Variants in SMARCA2 observed in about 807,000 individuals in gnomAD.
The protein encoded by SMARCA2 is SWI/SNF-related matrix-associated actin-dependent regulator of chromatin subfamily A member 2.
In SMARCA2, 61 loss-of-function variants were observed where a neutral mutation model predicts 199.8. The ratio of observed to expected loss-of-function variants is 0.31; its 90% CI spans 0.25 to 0.38. The LOEUF (loss-of-function observed/expected upper bound fraction) is 0.38, where lower values mean the gene tolerates loss of function less well. SMARCA2 is among the 10% of genes least tolerant of loss of function. SMARCA2 has a pLI of 1.00. For synonymous variants in SMARCA2, 935 were observed against 732.0 expected (o/e 1.28, Z -4.48); for missense variants, 1,344 against 2,012.2 (o/e 0.67, Z 6.35).
rs1241511072 is a variant in SMARCA2 at position 2,039,926 on chromosome 9, T to G, written c.790+26T>G. ...GTAGGTTAATACGCAACCAAATGAATAATGCCATGGTCCAACTCGGATAAC... is the reference window on the plus strand; with the variant it reads ...GTAGGTTAATACGCAACCAAATGAAGAATGCCATGGTCCAACTCGGATAAC... On this transcript the variant is annotated intron_variant, in intron 4 of 33. Coordinates refer to ENST00000349721, the MANE Select transcript of SMARCA2 (RefSeq NM_003070.5). The surrounding 1 kb of genome is among the most constrained non-coding windows in gnomAD (Gnocchi z 4.8). The G allele has an allele frequency of 4.3e-6, 7 of 1,610,002 alleles. No homozygotes were observed. The African/African-American group carries it at 9.3e-5, about 22-fold the overall frequency.
chr9:2,081,474 T>C (rs1821565021), intron 14 of SMARCA2, among the ~76,000 whole-genome samples: 1 of 152,260 alleles, frequency 6.6e-6, no homozygotes, highest in Non-Finnish European at 1.5e-5. Flanking sequence ...GTGCCAAATC[T>C]GCCTTCACAT....
At chr9:2,120,813 CAGAGAGGAATGGTAGTA>C (rs1166330037) in intron 26 of SMARCA2, among the ~76,000 whole-genome samples, 1 of 152,146 alleles carries the variant, frequency 6.6e-6, no homozygotes, top group African/African-American at 2.4e-5. Context: ...AAAGCTATTT[CAGAGAGGAATGGTAGTA>C]AGAAAGACTT....
chr9:2,186,617 C>A (rs558603970), intron 32 of SMARCA2, among the ~76,000 whole-genome samples: 3 of 151,774 alleles, frequency 2.0e-5, no homozygotes, highest in Non-Finnish European at 4.4e-5. Flanking sequence ...CCTCCACCTC[C>A]CAGGTTCAAG....
Position 2,058,350 on chromosome 9 carries a change from G to C in SMARCA2, c.1407G>C (p.Val469=). ...ATTTTAAGGAATATCATCGGTCTGT[G>C]GCCGGAAAGATCCAGAAGCTCTCCA... ...AKDFKEYHRS[V]AGKIQKLSKA... is the part of the protein sequence containing the mutation. Residue 469 remains valine, a synonymous_variant, in exon 8 of 34, where the codon GTG becomes GTC. Coordinates refer to ENST00000349721, the MANE Select transcript of SMARCA2 (RefSeq NM_003070.5). 6.2e-7 allele frequency: 1 copy of C among 1,614,178 alleles called. No individual in the cohort carries two copies. Among genetic ancestry groups the C allele is most frequent in the South Asian group, 1.1e-5 (1 of 91,084 alleles).
At position 2,047,640 on chromosome 9, in the gene SMARCA2, C is replaced by G. The variant is rs936486811; in HGVS notation, c.1046+156C>G. On this transcript the variant is annotated intron_variant, in intron 5 of 33. Coordinates refer to ENST00000349721, the MANE Select transcript of SMARCA2 (RefSeq NM_003070.5). Reference sequence around the variant, plus strand: ...ATCCACTCCTGGGGCCTTCCCGGTGCTGAGGGGAGGCACCGGGGTTTTGAA... The same window carrying G: ...ATCCACTCCTGGGGCCTTCCCGGTGGTGAGGGGAGGCACCGGGGTTTTGAA... The G allele has an allele frequency of 1.1e-5, 10 of 916,230 alleles. No individual in the cohort carries two copies. The African/African-American group carries it at 1.8e-4, about 16-fold the overall frequency. The allele number at this position is 916,230 out of a possible 1,614,324, so 56.8% of individuals were successfully genotyped here.
rs564331608 is a variant in SMARCA2, at chr9:2,132,457, G to T, written c.3981+8520G>T. On this transcript the variant is annotated intron_variant, in intron 27 of 33. Transcript: ENST00000349721. ...TTTTACACTGGCAAGATTTTTTTGT[G>T]GGGGGGGATCCTTTTTCTAAAGCAT... Among the ~76,000 whole-genome samples the T allele has an allele frequency of 2.7e-4, 39 of 144,196 alleles. 1 individual carries two copies. The highest frequency in any genetic ancestry group is 2.1e-3 in the Admixed American group (31 of 14,546). The allele number at this position is 144,196 out of a possible 152,430, so 94.6% of individuals were successfully genotyped here.
chr9:2,069,930 C>G (rs1821019181), intron 9 of SMARCA2, among the ~76,000 whole-genome samples: 2 of 152,110 alleles, frequency 1.3e-5, no homozygotes, highest in African/African-American at 2.4e-5. Context: ...AGCTCTTGCC[C>G]CACTCCCTCC....
At chr9:2,040,314 C>A in intron 4 of SMARCA2, 1 of 285,378 alleles carries the variant, frequency 3.5e-6, no homozygotes, top group East Asian at 6.3e-5. Context: ...TATTTCTATC[C>A]CTTTTTGTTA....
At chr9:2,087,712 G>A (rs187500779) in intron 18 of SMARCA2, among the ~76,000 whole-genome samples, 1 of 152,078 alleles carries the variant, frequency 6.6e-6, no homozygotes, top group Admixed American at 6.6e-5. Context: ...AAAGAAATGG[G>A]CACGTGTCAT....
At chr9:2,052,146 C>T (rs1381336126) in intron 5 of SMARCA2, among the ~76,000 whole-genome samples, 1 of 152,198 alleles carries the variant, frequency 6.6e-6, no homozygotes, top group African/African-American at 2.4e-5. Flanking sequence ...GATTAAACCA[C>T]TTAAAAATGC....
intron 27 of SMARCA2, among the ~76,000 whole-genome samples, chr9:2,142,609 T>C (rs888268968): frequency 5.3e-5 from 8 of 152,224 alleles, no homozygotes; most frequent in Non-Finnish European, 1.0e-4. Context: ...TAATAGCCTG[T>C]AGAGTTGAAC....
rs1825706490 is a variant in SMARCA2 at position 2,161,995 on chromosome 9, G to C, written c.4199+92G>C. The C allele has an allele frequency of 1.0e-6, 1 of 1,002,026 alleles. No individual in the cohort carries two copies. The highest frequency in any genetic ancestry group is 1.5e-6 in the Non-Finnish European group (1 of 681,366). The allele number at this position is 1,002,026 out of a possible 1,614,324, so 62.1% of individuals were successfully genotyped here. A position where few individuals can be genotyped will look rare whatever the true frequency, so the allele number is the denominator to read the frequency against. On this transcript the variant is annotated intron_variant, in intron 28 of 33. Transcript: ENST00000349721. This position sits in a 1 kb window ranked among gnomAD's most constrained non-coding sequence, Gnocchi z 4.7. ...CAGGAGTTGTTAAGTTGTGCACTTA[G>C]GTTTTATTAAGGTTCTTTCTAGTTT... is the stretch of plus-strand genomic sequence containing the variant.
intron 8 of SMARCA2, among the ~76,000 whole-genome samples, chr9:2,060,563 A>T (rs1820544055): frequency 1.3e-5 from 2 of 152,256 alleles, no homozygotes; most frequent in South Asian, 4.1e-4. Flanking sequence ...AGAGTGCTTA[A>T]TCACACCACA....
At position 2,125,038 on chromosome 9, in the gene SMARCA2, G is replaced by A. The variant is rs557524924; in HGVS notation, c.3981+1101G>A. On this transcript the variant is annotated intron_variant, in intron 27 of 33. Transcript: ENST00000349721. ...GTGAAACATGGATTTTAGGACCCAG[G>A]TTTTAAGTAGGTAGATGGGTAGAAA... 9.2e-5 allele frequency among the ~76,000 whole-genome samples: 14 copies of A among 152,302 alleles called. No homozygotes were observed. The East Asian group carries it at 2.5e-3, about 27-fold the overall frequency.
At chr9:2,049,990 A>G (rs191231474) in intron 5 of SMARCA2, among the ~76,000 whole-genome samples, 2 of 152,336 alleles carry the variant, frequency 1.3e-5, no homozygotes, top group East Asian at 1.9e-4. Flanking sequence ...TCTTGAACAG[A>G]TGTTAATTTC....
intron 3 of SMARCA2, among the ~76,000 whole-genome samples, chr9:2,033,452 C>T (rs886083002): frequency 3.3e-5 from 5 of 152,182 alleles, no homozygotes; most frequent in Admixed American, 6.5e-5. Flanking sequence ...CATGTCCAAT[C>T]GGTGACAGGG....
At chr9:2,092,219 A>T (rs566800249) in intron 19 of SMARCA2, among the ~76,000 whole-genome samples, 3 of 152,318 alleles carry the variant, frequency 2.0e-5, no homozygotes, top group Middle Eastern at 6.8e-3. Context: ...GTATTTCTTT[A>T]TGTCTAAATA....
intron 17 of SMARCA2, among the ~76,000 whole-genome samples, chr9:2,085,421 A>T (rs1821758989): frequency 6.6e-6 from 1 of 152,336 alleles, no homozygotes; most frequent in Non-Finnish European, 1.5e-5. Flanking sequence ...CAAGTGGAAG[A>T]CCTAATTAGT....
chr9:2,169,594 G>A lies in SMARCA2; in HGVS notation c.4200-825G>A, dbSNP rs1454795654. On this transcript the variant is annotated intron_variant, in intron 28 of 33. Coordinates refer to ENST00000349721, the MANE Select transcript of SMARCA2 (RefSeq NM_003070.5). The surrounding 1 kb of genome is among the most constrained non-coding windows in gnomAD (Gnocchi z 6.5). ...CACACTGACTCTAGAGCAGAATGGG[G>A]CAGTGACTCCGAGAAGGGATTTATA... 6.6e-6 allele frequency among the ~76,000 whole-genome samples: 1 copy of A among 152,140 alleles called. No homozygotes were observed.
Sources: allele counts gnomAD v4.1 joint callset (sites outside exome capture counted in the v4.1 genomes callset), GRCh38; gene constraint gnomAD v4.1.1; non-coding constraint Gnocchi (gnomAD v3.1); transcripts MANE v1.5; gene names NCBI Gene and HGNC (gene_info 2026-07-23, HGNC 2026-07-21).